Variants in SPARCL1 observed in about 807,000 individuals in gnomAD.
SPARCL1 encodes SPARC like 1, also known as SPARC-like protein 1.
SPARCL1 carries 52 observed loss-of-function variants against 67.1 expected under a neutral mutation model. That is an observed-to-expected ratio of 0.78 (90% CI 0.62 to 0.98). The LOEUF (loss-of-function observed/expected upper bound fraction) is 0.98. Among genes scored for constraint, SPARCL1 ranks in the 50% least tolerant of loss-of-function variants. The probability of loss-of-function intolerance (pLI) is 0.00; values close to 1 mark genes in which losing one functional copy is unlikely to be tolerated. For missense variants in SPARCL1, 717 were observed against 782.4 expected, an observed-to-expected ratio of 0.92 and a Z score of 1.00; for synonymous variants, 226 against 267.8, an observed-to-expected ratio of 0.84 and a Z score of 1.52.
chr4:87,517,036 G>A lies in SPARCL1; in HGVS notation c.-12+12009C>T, dbSNP rs117251740. ...CCACCACACCCTGTCCTGTGTTATAGTGGGAGACATTATTTTGGCCATATT... is the reference window on the plus strand; with the variant it reads ...CCACCACACCCTGTCCTGTGTTATAATGGGAGACATTATTTTGGCCATATT... On this transcript the variant is annotated intron_variant, in intron 1 of 10. Transcript: ENST00000282470. 1.6e-4 allele frequency among the ~76,000 whole-genome samples: 24 copies of A among 152,288 alleles called. No individual in the cohort carries two copies. The East Asian group carries it at 4.3e-3, about 27-fold the overall frequency.
intron 7 of SPARCL1, among the ~76,000 whole-genome samples, chr4:87,488,031 G>T (rs945543360): frequency 3.3e-5 from 5 of 152,066 alleles, no homozygotes; most frequent in African/African-American, 1.2e-4. Flanking sequence ...CCTTGTATTG[G>T]GTTATAACAT....
chr4:87,478,287 T>C (rs1375824810), intron 10 of SPARCL1, among the ~76,000 whole-genome samples: 1 of 152,190 alleles, frequency 6.6e-6, no homozygotes, highest in African/African-American at 2.4e-5. Flanking sequence ...ATTTATCATG[T>C]AAAACATGAC....
chr4:87,494,606 G>GA lies in SPARCL1; in HGVS notation c.202-9dup, dbSNP rs762497471. 8 of 1,552,260 alleles carry GA rather than the reference G, an allele frequency of 5.2e-6. No homozygotes were observed. Among genetic ancestry groups the GA allele is most frequent in the Non-Finnish European group, 6.1e-6 (7 of 1,155,432 alleles). The stretch of plus-strand genomic sequence containing the variant: ...TACTGATGATTTTTCAGCCTTAAAA[G>GA]AAAAAAAAGTTCATTCTTCAAACAA... On this transcript the variant is annotated splice_polypyrimidine_tract_variant and intron_variant, in intron 3 of 10. Coordinates refer to ENST00000282470, the MANE Select transcript of SPARCL1 (RefSeq NM_004684.6).
intron 1 of SPARCL1, among the ~76,000 whole-genome samples, chr4:87,510,662 C>T (rs1725309488): frequency 6.6e-6 from 1 of 152,224 alleles, no homozygotes; most frequent in Admixed American, 6.5e-5. Context: ...TCTCCACATT[C>T]GCCATCCTTC....
At position 87,490,377 on chromosome 4, in the gene SPARCL1, T is replaced by C. The variant is rs1210362383; in HGVS notation, c.1427A>G (p.Asn476Ser). Residue 476 changes from asparagine (N) to serine (S), a missense_variant, in exon 7 of 11, where the codon AAT (asparagine) becomes AGT (serine). Coordinates refer to ENST00000282470, the MANE Select transcript of SPARCL1 (RefSeq NM_004684.6). ...ATGACAGGAACTAGCATAGGTCTGATTGTCAGTGCCACAAACCTATGGAAG... is the reference window on the plus strand; with the variant it reads ...ATGACAGGAACTAGCATAGGTCTGACTGTCAGTGCCACAAACCTATGGAAG... ...KPLDQVCGTD[N>S]QTYASSCHLF... The C allele has an allele frequency of 9.9e-6, 16 of 1,609,850 alleles. No individual in the cohort carries two copies. The Admixed American group carries it at 1.0e-4, about 10-fold the overall frequency.
chr4:87,482,230 G>A (rs899361713), intron 8 of SPARCL1, among the ~76,000 whole-genome samples, 194 bp downstream of exon 8: 8 of 152,160 alleles, frequency 5.3e-5, no homozygotes, highest in Non-Finnish European at 1.2e-4. Context: ...AGAATGGGGC[G>A]GTTTGGTGGT....
chr4:87,484,032 T>A (rs2110216549), intron 7 of SPARCL1, among the ~76,000 whole-genome samples: 1 of 152,310 alleles, frequency 6.6e-6, no homozygotes, highest in South Asian at 2.1e-4. Flanking sequence ...TTCTGTAGGT[T>A]GCCTGTTTAC....
intron 2 of SPARCL1, among the ~76,000 whole-genome samples, chr4:87,495,758 C>T (rs754304730): frequency 6.6e-6 from 1 of 151,916 alleles, no homozygotes; most frequent in Non-Finnish European, 1.5e-5. Flanking sequence ...GGTGAAACCC[C>T]GTCTCTACTA....
At chr4:87,479,619 G>A (rs754329524) in intron 9 of SPARCL1, 41 bp from the exon 10 acceptor site, 9 of 1,601,218 alleles carry the variant, frequency 5.6e-6, no homozygotes, top group Non-Finnish European at 2.6e-6. Flanking sequence ...TGAGTAGCTT[G>A]TGCATGAAGA....
intron 10 of SPARCL1, among the ~76,000 whole-genome samples, chr4:87,474,548 T>A (rs1457886692): frequency 6.6e-6 from 1 of 152,180 alleles, no homozygotes; most frequent in Non-Finnish European, 1.5e-5. Context: ...TAAGGCTAAT[T>A]CCTCTACCTA....
At chr4:87,506,131 G>A (rs1725062752) in intron 1 of SPARCL1, among the ~76,000 whole-genome samples, 1 of 152,100 alleles carries the variant, frequency 6.6e-6, no homozygotes, top group Non-Finnish European at 1.5e-5. Context: ...TTCCATGGGG[G>A]GCAAAATCGC....
rs140381735 is a variant in SPARCL1 at position 87,507,512 on chromosome 4, C to CA, written c.-11-7928dup. Among the ~76,000 whole-genome samples, 138 of 152,264 alleles carry CA rather than the reference C, an allele frequency of 9.1e-4. 1 individual carries two copies. The highest frequency in any genetic ancestry group is 3.3e-3 in the African/African-American group (136 of 41,552). ...TAGACACTGCCTAAGCACAAGGACA[C>CA]ATAGTTTCTCTCTTAAGAGTTTCTG... On this transcript the variant is annotated intron_variant, in intron 1 of 10. Transcript: ENST00000282470.
intron 1 of SPARCL1, among the ~76,000 whole-genome samples, chr4:87,501,618 A>AT (rs1724853797): frequency 2.0e-5 from 3 of 151,664 alleles, no homozygotes; most frequent in East Asian, 1.9e-4. Context: ...TGAACATAGT[A>AT]TTTTTTTCTT....
chr4:87,509,604 T>C (rs1287654346), intron 1 of SPARCL1, among the ~76,000 whole-genome samples: 1 of 152,018 alleles, frequency 6.6e-6, no homozygotes, highest in Admixed American at 6.6e-5. Flanking sequence ...AAGCATCGAG[T>C]CTCTAGGATG....
intron 1 of SPARCL1, among the ~76,000 whole-genome samples, chr4:87,500,997 T>C (rs905033973): frequency 3.3e-5 from 5 of 152,230 alleles, no homozygotes; most frequent in African/African-American, 1.2e-4. Context: ...GATTTAAAAA[T>C]TGCCTTCCTT....
chr4:87,497,862 C>T (rs1161845031), intron 2 of SPARCL1, among the ~76,000 whole-genome samples: 1 of 152,166 alleles, frequency 6.6e-6, no homozygotes, highest in Non-Finnish European at 1.5e-5. Context: ...TTAAGGGATC[C>T]TCCCTCCTGT....
intron 2 of SPARCL1, among the ~76,000 whole-genome samples, chr4:87,498,179 G>A (rs754487011): frequency 8.5e-5 from 13 of 152,136 alleles, no homozygotes; most frequent in South Asian, 2.1e-4. Context: ...AACTTGTCCC[G>A]CTTTTGTGAT....
At chr4:87,492,745 A>G (rs796151310) in intron 4 of SPARCL1, among the ~76,000 whole-genome samples, 42 of 151,756 alleles carry the variant, frequency 2.8e-4, no homozygotes, top group African/African-American at 9.7e-4. Flanking sequence ...TGAGGTTACC[A>G]TTGACCTTGT....
chr4:87,528,577 C>T (rs912236521), intron 1 of SPARCL1: 8 of 151,960 alleles, frequency 5.3e-5, no homozygotes, highest in East Asian at 1.9e-4. Flanking sequence ...CAAAAAGTTC[C>T]GTTTCTACAT....
Sources: gnomAD v4.1 joint callset for allele counts (sites outside exome capture counted in the v4.1 genomes callset) on GRCh38, gnomAD v4.1.1 for gene constraint, MANE v1.5 for transcripts, NCBI Gene and HGNC (gene_info 2026-07-23, HGNC 2026-07-21) for gene names.